LPCAT2: variants seen among roughly 807,000 people sequenced by gnomAD.
The protein encoded by LPCAT2 is 1-AGP acyltransferase 11.
LPCAT2 carries 58 observed loss-of-function variants against 64.7 expected under a neutral mutation model. The ratio of observed to expected loss-of-function variants is 0.90; its 90% CI spans 0.73 to 1.12. The LOEUF is 1.12. LPCAT2 is among the 50% of genes most tolerant of loss of function. The pLI, the probability that LPCAT2 is intolerant of heterozygous loss-of-function variation, is 0.00. For missense variants in LPCAT2, 579 were observed against 669.8 expected (o/e 0.86, Z 1.50); for synonymous variants, 252 against 245.3 (o/e 1.03, Z -0.26).
chr16:55,572,281 T>G (rs553676664), intron 11 of LPCAT2, among the ~76,000 whole-genome samples: 20 of 152,288 alleles, frequency 1.3e-4, no homozygotes, highest in South Asian at 1.2e-3. Flanking sequence ...AGATAAAAAC[T>G]GGATATCTCA....
chr16:55,517,651 T>G (rs1963032185), intron 1 of LPCAT2, among the ~76,000 whole-genome samples: 1 of 152,128 alleles, frequency 6.6e-6, no homozygotes, highest in South Asian at 2.1e-4. Context: ...CATGGCAAAG[T>G]CATATTTAGC....
In LPCAT2 at chr16:55,551,039, C is replaced by A; in HGVS notation, c.1152C>A (p.Phe384Leu). 1 of 1,612,958 alleles carries A rather than the reference C, an allele frequency of 6.2e-7. No homozygotes were observed. The highest frequency in any genetic ancestry group is 2.2e-5 in the East Asian group (1 of 44,784). Residue 384 changes from phenylalanine to leucine, a missense_variant, in exon 11 of 14, where the codon TTC becomes TTA. Phe to Leu is a conservative substitution (Grantham distance 22, BLOSUM62 0). Transcript: ENST00000262134. ...GAGGAAGAATTGGAATTGAAGAATT[C>A]GCCAAGTATTTAAAGTTGCCTGTTT... is the stretch of plus-strand genomic sequence containing the variant. ...SKGGRIGIEEFAKYLKLPVSD... is the reference protein window; with the variant it reads ...SKGGRIGIEELAKYLKLPVSD...
chr16:55,579,760 T>C (rs182578050), intron 13 of LPCAT2, among the ~76,000 whole-genome samples: 24 of 152,334 alleles, frequency 1.6e-4, no homozygotes, highest in Admixed American at 1.3e-3. Flanking sequence ...AAACGATTTA[T>C]TGATGTTTAC....
chr16:55,553,498 T>A (rs1344113464), intron 11 of LPCAT2, among the ~76,000 whole-genome samples: 1 of 152,240 alleles, frequency 6.6e-6, no homozygotes, highest in African/African-American at 2.4e-5. Flanking sequence ...ATCATGAGAT[T>A]GCAGCAATTC....
intron 11 of LPCAT2, among the ~76,000 whole-genome samples, chr16:55,561,142 G>A (rs1963631474): frequency 6.6e-6 from 1 of 151,886 alleles, no homozygotes; most frequent in Non-Finnish European, 1.5e-5. Context: ...CTTGTAGCAT[G>A]TATCAGTCAT....
At chr16:55,552,648 A>C (rs1963530475) in intron 11 of LPCAT2, among the ~76,000 whole-genome samples, 1 of 152,238 alleles carries the variant, frequency 6.6e-6, no homozygotes, top group African/African-American at 2.4e-5. Flanking sequence ...TTCCCAGTGC[A>C]TAGAAAAGTT....
At chr16:55,552,692 A>G (rs903630576) in intron 11 of LPCAT2, among the ~76,000 whole-genome samples, 12 of 152,230 alleles carry the variant, frequency 7.9e-5, no homozygotes, top group Non-Finnish European at 1.6e-4. Context: ...GTGAGTATGC[A>G]ATAGCATTAT....
intron 1 of LPCAT2, among the ~76,000 whole-genome samples, chr16:55,513,597 T>C (rs1042262409): frequency 1.8e-4 from 28 of 152,214 alleles, no homozygotes; most frequent in African/African-American, 6.8e-4. Flanking sequence ...GAGCATTTAT[T>C]TAAGAGTGCT....
chr16:55,568,905 G>A (rs1466370680), intron 11 of LPCAT2, among the ~76,000 whole-genome samples: 1 of 152,080 alleles, frequency 6.6e-6, no homozygotes, highest in Non-Finnish European at 1.5e-5. Flanking sequence ...CCAGGATTCC[G>A]GTGCCAGTAG....
chr16:55,549,244 A>T, intron 9 of LPCAT2, 33 bp from the exon 10 acceptor site: 3 of 1,504,132 alleles, frequency 2.0e-6, no homozygotes, highest in Non-Finnish European at 2.7e-6. Flanking sequence ...TTTTAAAAAA[A>T]ATGAATTTTA....
At chr16:55,537,459 T>A (rs118151085) in intron 7 of LPCAT2, 119 bp from the exon 8 acceptor site, 8 of 740,684 alleles carry the variant, frequency 1.1e-5, no homozygotes, top group Non-Finnish European at 1.7e-5. Flanking sequence ...CATTTATAAA[T>A]GCAAAATATA....
intron 11 of LPCAT2, among the ~76,000 whole-genome samples, chr16:55,557,666 T>C (rs1963592492): frequency 6.6e-6 from 1 of 152,182 alleles, no homozygotes; most frequent in African/African-American, 2.4e-5. Context: ...CACTTTATCC[T>C]CCTTTCCCCC....
At chr16:55,512,431 C>T (rs557305789) in intron 1 of LPCAT2, among the ~76,000 whole-genome samples, 1 of 151,850 alleles carries the variant, frequency 6.6e-6, no homozygotes, top group Admixed American at 6.6e-5. Context: ...TAACATTACC[C>T]CAGCCCCTTT....
At chr16:55,528,234 A>C in intron 2 of LPCAT2, 143 bp from the exon 3 acceptor site, 3 of 633,834 alleles carry the variant, frequency 4.7e-6, no homozygotes, top group Non-Finnish European at 8.2e-6. Context: ...GCTCCATGTA[A>C]GTGTTAGCTG....
intron 1 of LPCAT2, among the ~76,000 whole-genome samples, chr16:55,518,637 C>T (rs944046828): frequency 3.9e-5 from 6 of 152,158 alleles, no homozygotes; most frequent in African/African-American, 1.4e-4. Flanking sequence ...ACGTCTGTGG[C>T]CACTGATTTT....
rs773299550 is a variant in LPCAT2 at position 55,537,626 on chromosome 16, A to C, written c.846A>C (p.Glu282Asp). ...LTFCQLFTKV[E>D]VEFMPVQVPN... ...TCTGCCAGCTCTTCACAAAGGTAGA[A>C]GTTGAGGTAAGTCATTCAAAATGTG... Residue 282 changes from glutamate to aspartate, a missense_variant, in exon 8 of 14, where the codon GAA (glutamate) becomes GAC (aspartate). Coordinates refer to ENST00000262134, the MANE Select transcript of LPCAT2 (RefSeq NM_017839.5). 1.5e-5 allele frequency: 25 copies of C among 1,613,156 alleles called. No homozygotes were observed. The African/African-American group carries it at 3.2e-4, about 21-fold the overall frequency.
At position 55,563,592 on chromosome 16, in the gene LPCAT2, G is replaced by A. The variant is rs143718083; in HGVS notation, c.1216-11039G>A. Among the ~76,000 whole-genome samples, 1,139 of 151,964 alleles carry A rather than the reference G, an allele frequency of 7.5e-3. 11 individuals are homozygous for A. The highest frequency in any genetic ancestry group is 0.011 in the Non-Finnish European group (726 of 67,798). On this transcript the variant is annotated intron_variant, in intron 11 of 13. Coordinates refer to ENST00000262134, the MANE Select transcript of LPCAT2 (RefSeq NM_017839.5). ...ATGTAACACAGCATATTCTCAGAAT[G>A]AAGGGGAAAAATCACATGATCATCT...
chr16:55,570,438 A>G (rs1419364456), intron 11 of LPCAT2, among the ~76,000 whole-genome samples: 1 of 152,098 alleles, frequency 6.6e-6, no homozygotes, highest in African/African-American at 2.4e-5. Flanking sequence ...AGCCTGGGCA[A>G]CATGGCAAAA....
intron 11 of LPCAT2, among the ~76,000 whole-genome samples, chr16:55,553,913 A>G (rs1169656418): frequency 6.6e-6 from 1 of 152,174 alleles, no homozygotes; most frequent in East Asian, 1.9e-4. Context: ...ACATTAGCCT[A>G]TTTCTATATC....
Sources: gnomAD v4.1 joint callset for allele counts (sites outside exome capture counted in the v4.1 genomes callset) on GRCh38, gnomAD v4.1.1 for gene constraint, MANE v1.5 for transcripts, NCBI Gene and HGNC (gene_info 2026-07-23, HGNC 2026-07-21) for gene names.